The following STAG1 variants were observed in gnomAD, a reference collection of about 807,000 sequenced individuals.
STAG1 encodes the protein cohesin subunit SA-1.
Under a neutral mutation model 170.9 loss-of-function variants are expected in STAG1, and 26 were observed. The observed-to-expected ratio is 0.15, with a 90% CI of 0.11 to 0.21. STAG1 has a LOEUF of 0.21. STAG1 is among the 10% of genes least tolerant of loss of function. STAG1 has a pLI of 1.00. For missense variants in STAG1, 964 were observed against 1,509.5 expected, an observed-to-expected ratio of 0.64 and a Z score of 5.99; for synonymous variants, 514 against 497.7, an observed-to-expected ratio of 1.03 and a Z score of -0.44.
At chr3:136,451,979 T>C in intron 14 of STAG1, 54 bp downstream of exon 14, 1 of 1,177,816 alleles carries the variant, frequency 8.5e-7, no homozygotes, top group South Asian at 1.4e-5. Flanking sequence ...TGAATTGACA[T>C]TTAAAATGTA....
intron 1 of STAG1, among the ~76,000 whole-genome samples, chr3:136,682,446 A>ATAT (rs1559948413): frequency 1.2e-4 from 17 of 146,398 alleles, no homozygotes; most frequent in African/African-American, 4.2e-4. Flanking sequence ...AAAAAAATAA[A>ATAT]ATATATATAT....
intron 1 of STAG1, among the ~76,000 whole-genome samples, chr3:136,722,663 T>C (rs1295369192): frequency 2.7e-4 from 33 of 121,834 alleles, no homozygotes; most frequent in East Asian, 1.7e-3. Context: ...CTCTCCCTTC[T>C]CCCCTCTCCC....
intron 4 of STAG1, among the ~76,000 whole-genome samples, chr3:136,590,688 A>G (rs1466565807): frequency 6.6e-6 from 1 of 152,170 alleles, no homozygotes; most frequent in Non-Finnish European, 1.5e-5. Flanking sequence ...CTGTAACTGT[A>G]GAGTATAAAA....
intron 20 of STAG1, among the ~76,000 whole-genome samples, chr3:136,420,153 A>G (rs536366923): frequency 2.0e-4 from 30 of 151,524 alleles, no homozygotes; most frequent in Admixed American, 1.2e-3. Flanking sequence ...AGGCTAAGGC[A>G]TAAGAATCAC....
intron 1 of STAG1, among the ~76,000 whole-genome samples, chr3:136,744,065 C>T (rs1000321165): frequency 6.6e-6 from 1 of 152,318 alleles, no homozygotes; most frequent in South Asian, 2.1e-4. Context: ...ACGTGGCTCA[C>T]GCCTGTAATC....
chr3:136,621,092 C>T (rs993456182), intron 3 of STAG1, among the ~76,000 whole-genome samples: 1 of 151,824 alleles, frequency 6.6e-6, no homozygotes, highest in Admixed American at 6.6e-5. Flanking sequence ...CATGCCACTG[C>T]ACTGCACTCC....
At chr3:136,469,186 G>T (rs2089555606) in intron 12 of STAG1, among the ~76,000 whole-genome samples, 1 of 152,148 alleles carries the variant, frequency 6.6e-6, no homozygotes, top group Admixed American at 6.5e-5. Flanking sequence ...AGGAAAAGAG[G>T]AAGTCAAATT....
intron 9 of STAG1, among the ~76,000 whole-genome samples, chr3:136,491,940 C>T (rs887775942): frequency 4.9e-4 from 75 of 152,130 alleles, no homozygotes; most frequent in Non-Finnish European, 3.2e-4. Flanking sequence ...TGGAATCAGC[C>T]CAAGATCACG....
intron 1 of STAG1, among the ~76,000 whole-genome samples, chr3:136,683,674 A>G (rs542967941): frequency 6.6e-6 from 1 of 152,252 alleles, no homozygotes; most frequent in African/African-American, 2.4e-5. Context: ...CTTTTCGACA[A>G]TGTAATGGAA....
At chr3:136,588,505 A>G (rs781256741) in intron 4 of STAG1, among the ~76,000 whole-genome samples, 19 of 151,970 alleles carry the variant, frequency 1.3e-4, no homozygotes, top group Admixed American at 2.6e-4. Context: ...CATGCTGGCT[A>G]ATTTTTGTAT....
At chr3:136,509,140 C>T (rs1473976136) in intron 7 of STAG1, among the ~76,000 whole-genome samples, 2 of 152,182 alleles carry the variant, frequency 1.3e-5, no homozygotes, top group Non-Finnish European at 2.9e-5. Flanking sequence ...GCCTTAGAGG[C>T]CACTGTAGTT....
At chr3:136,533,281 C>G (rs954636919) in intron 6 of STAG1, among the ~76,000 whole-genome samples, 1 of 152,120 alleles carries the variant, frequency 6.6e-6, no homozygotes, top group Non-Finnish European at 1.5e-5. Context: ...AAAGACAACT[C>G]ATGCTCATGA....
At chr3:136,528,405 T>A (rs7636806) in intron 6 of STAG1, among the ~76,000 whole-genome samples, 11,692 of 150,872 alleles carry the variant, frequency 0.077, 464 homozygotes, top group Non-Finnish European at 0.092. Flanking sequence ...TGTGCAGATA[T>A]CAATTAAGGA....
chr3:136,561,224 C>T (rs1936826416), intron 5 of STAG1, among the ~76,000 whole-genome samples: 1 of 152,146 alleles, frequency 6.6e-6, no homozygotes, highest in South Asian at 2.1e-4. Flanking sequence ...CTCCATCTTA[C>T]AAATTTTTTG....
chr3:136,404,163 T>C (rs879688760), intron 21 of STAG1, among the ~76,000 whole-genome samples: 3 of 152,098 alleles, frequency 2.0e-5, no homozygotes, highest in Non-Finnish European at 4.4e-5. Flanking sequence ...GAACAAAAAA[T>C]TGAAAAAGGC....
At chr3:136,546,475 C>G (rs1936160610) in intron 5 of STAG1, among the ~76,000 whole-genome samples, 2 of 151,994 alleles carry the variant, frequency 1.3e-5, no homozygotes, top group African/African-American at 4.8e-5. Flanking sequence ...GACAAAATGT[C>G]AACCAAAAAA....
intron 1 of STAG1, among the ~76,000 whole-genome samples, chr3:136,724,660 T>A (rs981781079): frequency 6.6e-6 from 1 of 151,772 alleles, no homozygotes; most frequent in African/African-American, 2.4e-5. Flanking sequence ...GTCTGCAAGT[T>A]TGTTATTTTC....
At chr3:136,681,967 G>GC (rs1942351248) in intron 1 of STAG1, among the ~76,000 whole-genome samples, 1 of 152,064 alleles carries the variant, frequency 6.6e-6, no homozygotes, top group South Asian at 2.1e-4. Flanking sequence ...CTGAAAGAGG[G>GC]CAAGGATGGC....
intron 22 of STAG1, among the ~76,000 whole-genome samples, chr3:136,391,830 A>C (rs2087018886): frequency 6.6e-6 from 1 of 152,258 alleles, no homozygotes; most frequent in African/African-American, 2.4e-5. Flanking sequence ...AAGTATACTT[A>C]GCATAACCTG....
Sources: allele counts gnomAD v4.1 joint callset (sites outside exome capture counted in the v4.1 genomes callset), GRCh38; gene constraint gnomAD v4.1.1; transcripts MANE v1.5; gene names NCBI Gene and HGNC (gene_info 2026-07-23, HGNC 2026-07-21).